The following RALYL variants were observed in gnomAD, a reference collection of about 807,000 sequenced individuals.
RALYL encodes the protein RNA-binding Raly-like protein.
A neutral mutation model predicts 35.1 loss-of-function variants in RALYL; 29 were observed. The observed-to-expected ratio is 0.83, with a 90% confidence interval of 0.61 to 1.13. RALYL has a LOEUF of 1.13. Among genes scored for constraint, RALYL ranks in the 50% most tolerant of loss-of-function variants. The pLI is 0.00. For missense variants in RALYL, 359 were observed against 360.4 expected, an observed-to-expected ratio of 1.00 and a Z score of 0.03; for synonymous variants, 120 against 127.6, an observed-to-expected ratio of 0.94 and a Z score of 0.40.
chr8:84,318,594 T>C (rs917046692), intron 1 of RALYL, among the ~76,000 whole-genome samples: 4 of 152,236 alleles, frequency 2.6e-5, no homozygotes, highest in African/African-American at 4.8e-5. Flanking sequence ...TCACTAATTT[T>C]CTTTTTCCTT....
intron 1 of RALYL, among the ~76,000 whole-genome samples, chr8:84,524,690 T>TA (rs200384531): frequency 0.031 from 4,707 of 152,214 alleles, 122 homozygotes; most frequent in Non-Finnish European, 0.039. Context: ...GATCCAAAGG[T>TA]AAAAATCTCT....
intron 2 of RALYL, among the ~76,000 whole-genome samples, chr8:84,580,769 A>T (rs1394002745): frequency 6.6e-6 from 1 of 152,218 alleles, no homozygotes; most frequent in Non-Finnish European, 1.5e-5. Context: ...CTATTGCTGC[A>T]TAATAAGTCA....
chr8:84,237,981 A>C (rs531609046), intron 1 of RALYL, among the ~76,000 whole-genome samples: 1 of 146,978 alleles, frequency 6.8e-6, no homozygotes, highest in African/African-American at 2.5e-5. Context: ...AATCTAAAAA[A>C]AAGAAGAAAA....
intron 2 of RALYL, among the ~76,000 whole-genome samples, chr8:84,724,932 T>C (rs1244219057): frequency 1.3e-5 from 2 of 151,684 alleles, no homozygotes; most frequent in Non-Finnish European, 3.0e-5. Context: ...AGTAATAAGC[T>C]CTAAGAATAT....
chr8:84,255,284 G>A (rs1385235720), intron 1 of RALYL, among the ~76,000 whole-genome samples: 1 of 152,054 alleles, frequency 6.6e-6, no homozygotes, highest in East Asian at 1.9e-4. Flanking sequence ...CAAACCCACT[G>A]CAAAGTCTGA....
At position 84,770,030 on chromosome 8, in the gene RALYL, T is replaced by G. The variant is rs528493175; in HGVS notation, c.257-4549T>G. Among the ~76,000 whole-genome samples the G allele has an allele frequency of 3.3e-5, 5 of 152,276 alleles. No homozygotes were observed. In the South Asian group the frequency reaches 1.0e-3, roughly 32 times the overall value. On this transcript the variant is annotated intron_variant, in intron 2 of 8. Transcript: ENST00000521268. ...TAAACTTCATCCTGAATTCCTTGTT[T>G]ATCTCTGCCTTCTTTTTTTAGAAAA...
chr8:84,498,785 A>G (rs1430342482), intron 1 of RALYL, among the ~76,000 whole-genome samples: 1 of 152,184 alleles, frequency 6.6e-6, no homozygotes, highest in Non-Finnish European at 1.5e-5. Flanking sequence ...ATGTAAAAGA[A>G]AATCATAAAC....
intron 1 of RALYL, among the ~76,000 whole-genome samples, chr8:84,464,803 T>A (rs954808574): frequency 6.1e-5 from 9 of 147,792 alleles, no homozygotes; most frequent in African/African-American, 2.0e-4. Context: ...CCAGCACCTG[T>A]TGTTTCCTGA....
At chr8:84,861,506 A>G (rs1838083044) in intron 5 of RALYL, among the ~76,000 whole-genome samples, 1 of 152,210 alleles carries the variant, frequency 6.6e-6, no homozygotes, top group Non-Finnish European at 1.5e-5. Context: ...ACTTTTCCGC[A>G]AAGGTTTTAA....
At chr8:84,590,327 C>G (rs1156717732) in intron 2 of RALYL, among the ~76,000 whole-genome samples, 3 of 152,102 alleles carry the variant, frequency 2.0e-5, no homozygotes, top group Non-Finnish European at 4.4e-5. Context: ...ATCTCATGAT[C>G]ATAAAATTAT....
chr8:84,837,906 A>G (rs1054744151), intron 4 of RALYL, among the ~76,000 whole-genome samples: 5 of 152,342 alleles, frequency 3.3e-5, no homozygotes, highest in African/African-American at 1.2e-4. Context: ...TCCAAGCAAT[A>G]GAAACCTCAG....
At chr8:84,477,311 G>T (rs2053537857) in intron 1 of RALYL, among the ~76,000 whole-genome samples, 2 of 151,634 alleles carry the variant, frequency 1.3e-5, no homozygotes. Flanking sequence ...TAACGCTGTT[G>T]CTTTTTCATC....
intron 7 of RALYL, among the ~76,000 whole-genome samples, chr8:84,874,661 G>T (rs1427396075): frequency 6.6e-6 from 1 of 152,198 alleles, no homozygotes; most frequent in African/African-American, 2.4e-5. Flanking sequence ...CAGGGCTCAA[G>T]AATGAAAAGA....
intron 1 of RALYL, among the ~76,000 whole-genome samples, chr8:84,445,204 A>G (rs1324873312): frequency 6.6e-6 from 1 of 152,080 alleles, no homozygotes; most frequent in Admixed American, 6.6e-5. Flanking sequence ...GACGTTAAAT[A>G]TCTTTCAGGA....
At chr8:84,318,437 A>G (rs77682606) in intron 1 of RALYL, among the ~76,000 whole-genome samples, 2,314 of 152,298 alleles carry the variant, frequency 0.015, 52 homozygotes, top group African/African-American at 0.052. Context: ...ACTCTCTTTT[A>G]TCATCATACC....
intron 1 of RALYL, among the ~76,000 whole-genome samples, chr8:84,231,025 C>T (rs2131426899): frequency 6.6e-6 from 1 of 152,328 alleles, no homozygotes; most frequent in Non-Finnish European, 1.5e-5. Flanking sequence ...AAAAGAACAG[C>T]TTCAGCCTTT....
At chr8:84,870,776 T>A (rs1356348915) in intron 6 of RALYL, among the ~76,000 whole-genome samples, 1 of 151,952 alleles carries the variant, frequency 6.6e-6, no homozygotes, top group Non-Finnish European at 1.5e-5. Context: ...AGAAACCACA[T>A]GTAATAGCAC....
intron 8 of RALYL, among the ~76,000 whole-genome samples, chr8:84,901,086 CA>C (rs1174689590): frequency 6.6e-6 from 1 of 152,132 alleles, no homozygotes; most frequent in African/African-American, 2.4e-5. Context: ...TTAATGATTA[CA>C]GTTCAAAGGA....
At chr8:84,689,499 C>T (rs1284046086) in intron 2 of RALYL, among the ~76,000 whole-genome samples, 3 of 152,078 alleles carry the variant, frequency 2.0e-5, no homozygotes, top group Non-Finnish European at 4.4e-5. Flanking sequence ...TGGCTTGGTT[C>T]CAAGTCTTTG....
Sources: gnomAD v4.1 joint callset for allele counts (sites outside exome capture counted in the v4.1 genomes callset) on GRCh38, gnomAD v4.1.1 for gene constraint, MANE v1.5 for transcripts, NCBI Gene and HGNC (gene_info 2026-07-23, HGNC 2026-07-21) for gene names.